KLK10: variants seen among roughly 807,000 people sequenced by gnomAD.
The protein encoded by KLK10 is kallikrein related peptidase 10.
KLK10 carries 27 observed loss-of-function variants against 25.7 expected under a neutral mutation model. The ratio of observed to expected loss-of-function variants is 1.05; its 90% CI spans 0.77 to 1.45. KLK10 has a LOEUF of 1.45. KLK10 is among the 40% of genes most tolerant of loss of function. The probability of loss-of-function intolerance (pLI) is 0.00; values close to 1 mark genes in which losing one functional copy is unlikely to be tolerated. For missense variants in KLK10, 386 were observed against 370.0 expected (o/e 1.04, Z -0.35); for synonymous variants, 173 against 160.1 (o/e 1.08, Z -0.61).
rs1222800954 is a variant in KLK10, at chr19:51,015,713, C to A, written c.545-163G>T. 7 of 1,059,204 alleles carry A rather than the reference C, an allele frequency of 6.6e-6. No homozygotes were observed. In the East Asian group the frequency reaches 1.5e-4, roughly 22 times the overall value. 65.6% of individuals were successfully genotyped at this position (1,059,204 alleles called of 1,614,324 possible). A position where few individuals can be genotyped will look rare whatever the true frequency, so the allele number is the denominator to read the frequency against. ...CCCCACTTAGACCCAGGAGTCCAGGCCCCCAGCCCCTCCTCCCCTCAGACT... is the reference window on the plus strand; with the variant it reads ...CCCCACTTAGACCCAGGAGTCCAGGACCCCAGCCCCTCCTCCCCTCAGACT... On this transcript the variant is annotated intron_variant, in intron 4 of 5. Coordinates refer to ENST00000358789, the MANE Select transcript of KLK10 (RefSeq NM_145888.3).
intron 4 of KLK10, 38 bp downstream of exon 4, chr19:51,015,841 CCCT>C (rs1568563773): frequency 6.8e-7 from 1 of 1,463,946 alleles, no homozygotes; most frequent in East Asian, 2.4e-5. Flanking sequence ...GCCCTCAGCC[CCCT>C]CCTCCTGAGG....
rs751902536 is a variant in KLK10 at position 51,017,176 on chromosome 19, G to A, written c.203C>T (p.Ser68Leu). 2 of 1,612,170 alleles carry A rather than the reference G, an allele frequency of 1.2e-6. No individual in the cohort carries two copies. Among genetic ancestry groups the A allele is most frequent in the East Asian group, 2.2e-5 (1 of 44,852 alleles). Residue 68 changes from serine to leucine, a missense_variant, in exon 3 of 6, where the codon TCG (serine) becomes TTG (leucine). Physicochemically the swap from Ser to Leu is moderately radical, Grantham distance 145 (BLOSUM62 -2). Coordinates refer to ENST00000358789, the MANE Select transcript of KLK10 (RefSeq NM_145888.3). ...PWQVSLFNGL[S>L]FHCAGVLVDQ... ...CACCAGGACACCCGCGCAGTGGAACGAGAGGCCGTTGAAGAGCGAGACCTG... is the reference window on the plus strand; with the variant it reads ...CACCAGGACACCCGCGCAGTGGAACAAGAGGCCGTTGAAGAGCGAGACCTG...
chr19:51,015,725 C>T, intron 4 of KLK10, 157 bp downstream of exon 4: 1 of 1,060,912 alleles, frequency 9.4e-7, no homozygotes, highest in Non-Finnish European at 1.3e-6. Flanking sequence ...CCCAGCCCCT[C>T]CTCCCCTCAG....
Position 51,019,162 on chromosome 19 carries a change from G to T in KLK10, c.-9-23C>A. ...GATCTGCTGGGGTGTGTGCAGGGGC[G>T]GGTTAAAACAGATGCTCCGTTAGAG... On this transcript the variant is annotated intron_variant, in intron 1 of 5. Coordinates refer to ENST00000358789, the MANE Select transcript of KLK10 (RefSeq NM_145888.3). The surrounding 1 kb of genome is among the most constrained non-coding windows in gnomAD (Gnocchi z 4.2). The T allele has an allele frequency of 6.5e-7, 1 of 1,535,558 alleles. No individual in the cohort carries two copies.
At position 51,013,590 on chromosome 19, in the gene KLK10, A is replaced by C. The variant is rs951276149; in HGVS notation, c.*1210T>G. On this transcript the variant is annotated 3_prime_UTR_variant, in exon 6 of 6. Transcript: ENST00000358789. ...TAGGTGCCTGCCACCATGCCTGGCT[A>C]GTTTTTGTATTTTCAGTAGAGATGG... The C allele has an allele frequency of 6.5e-6, 1 of 153,276 alleles. No individual in the cohort carries two copies. Among genetic ancestry groups the C allele is most frequent in the Middle Eastern group, 3.2e-3 (1 of 316 alleles). The allele number at this position is 153,276 out of a possible 1,614,324, so 9.5% of individuals were successfully genotyped here.
rs73936112 is a variant in KLK10 at position 51,013,800 on chromosome 19, T to A, written c.*1000A>T. On this transcript the variant is annotated 3_prime_UTR_variant, in exon 6 of 6. Coordinates refer to ENST00000358789, the MANE Select transcript of KLK10 (RefSeq NM_145888.3). ...TTCCCTCCCCCAATTTCAGGGAGAA[T>A]CAAACAATTCCTCCTCCCAAGTTTT... The A allele has an allele frequency of 0.037, 5,644 of 153,804 alleles. 278 individuals carry two copies. The highest frequency in any genetic ancestry group is 0.15 in the East Asian group (795 of 5,182). 9.5% of individuals were successfully genotyped at this position (153,804 alleles called of 1,614,324 possible).
chr19:51,015,167 G>C (rs78217033), intron 5 of KLK10, among the ~76,000 whole-genome samples: 2,015 of 152,052 alleles, frequency 0.013, 36 homozygotes, highest in African/African-American at 0.045. Flanking sequence ...GGCACAGTGA[G>C]ACTGGGGTTG....
intron 4 of KLK10, 109 bp downstream of exon 4, chr19:51,015,773 T>C: frequency 8.2e-7 from 1 of 1,216,630 alleles, no homozygotes; most frequent in Non-Finnish European, 1.1e-6. Context: ...CAGCCCGTCC[T>C]CCCTCAGATC....
chr19:51,017,865 G>T (rs1398203329), intron 2 of KLK10, among the ~76,000 whole-genome samples: 1 of 151,824 alleles, frequency 6.6e-6, no homozygotes, highest in Non-Finnish European at 1.5e-5. Context: ...AGTAGTCGCG[G>T]AGGCATGCGC....
chr19:51,017,108 A>G lies in KLK10; in HGVS notation c.269+2T>C, dbSNP rs1356779402. ...CGTCCTCGGGGATGGATCTCCTCCT[A>G]CTTGTTTCCGCAGTGCGCGGCCGTC... On this transcript the variant is annotated splice_donor_variant, in intron 3 of 5. Transcript: ENST00000358789. LOFTEE classifies it high-confidence loss of function. The G allele has an allele frequency of 1.3e-6, 2 of 1,598,170 alleles. No individual in the cohort carries two copies. Among genetic ancestry groups the G allele is most frequent in the Non-Finnish European group, 1.7e-6 (2 of 1,173,154 alleles).
In KLK10 at chr19:51,016,146, C is replaced by T; in HGVS notation, c.280G>A (p.Ala94Thr). The change falls in exon 4 of 6, where the codon GCT (alanine) becomes ACT (threonine). Residue 94 changes from alanine (A) to threonine (T), a missense_variant. Transcript: ENST00000358789. ...AAHCGNKPLW[A>T]RVGDDHLLLL... ...AGCAGGTGGTCATCCCCTACTCGAG[C>T]CCACAGTGGCCTGGGGGAAGGAAGA... 1.3e-6 allele frequency: 2 copies of T among 1,581,838 alleles called. No individual in the cohort carries two copies. The highest frequency in any genetic ancestry group is 8.6e-7 in the Non-Finnish European group (1 of 1,164,048).
chr19:51,014,794 T>A lies in KLK10; in HGVS notation c.*6A>T, dbSNP rs755976578. On this transcript the variant is annotated 3_prime_UTR_variant, in exon 6 of 6. Coordinates refer to ENST00000358789, the MANE Select transcript of KLK10 (RefSeq NM_145888.3). ...CATCTGGATCAGCTGGAGCGTAGCA[T>A]CTGGATCAGTTGGAGCGTATGACTT... The A allele has an allele frequency of 1.3e-6, 2 of 1,575,826 alleles. No individual in the cohort carries two copies. The highest frequency in any genetic ancestry group is 8.7e-7 in the Non-Finnish European group (1 of 1,152,354).
chr19:51,015,683 C>T (rs1431728491), intron 4 of KLK10, 133 bp from the exon 5 acceptor site: 2 of 1,191,062 alleles, frequency 1.7e-6, no homozygotes, highest in East Asian at 2.4e-5. Context: ...CTGGCCCCAG[C>T]CCCTCCCCAC....
chr19:51,016,217 G>A (rs2091327207), intron 3 of KLK10, 61 bp from the exon 4 acceptor site: 2 of 1,474,496 alleles, frequency 1.4e-6, no homozygotes, highest in East Asian at 4.9e-5. Flanking sequence ...AAGCAGGTGG[G>A]CAGTGACGCA....
At position 51,017,303 on chromosome 19, in the gene KLK10, A is replaced by T; in HGVS notation, c.89-13T>A. 6.3e-7 allele frequency: 1 copy of T among 1,593,032 alleles called. No individual in the cohort carries two copies. The highest frequency in any genetic ancestry group is 8.5e-7 in the Non-Finnish European group (1 of 1,171,540). On this transcript the variant is annotated splice_polypyrimidine_tract_variant and intron_variant, in intron 2 of 5. Coordinates refer to ENST00000358789, the MANE Select transcript of KLK10 (RefSeq NM_145888.3). ...GCCGCCTCTGCGGCTGGAGAAAGAA[A>T]GGGGACGGAATCAAAGCACGGAGGG... is the stretch of plus-strand genomic sequence containing the variant.
intron 3 of KLK10, among the ~76,000 whole-genome samples, chr19:51,016,472 C>T (rs2091330060): frequency 6.6e-6 from 1 of 151,930 alleles, no homozygotes; most frequent in Admixed American, 6.5e-5. Context: ...CGGCTCACTG[C>T]AACCTCCACC....
chr19:51,014,657 TGTGGAGG>T lies in KLK10; in HGVS notation c.*136_*142del. ...AGGTGAGAGGGGAGATGTTTAGAGG[TGTGGAGG>T]GCGGCAGAGGTTTGAACAGTGCAGA... is the stretch of plus-strand genomic sequence containing the variant. On this transcript the variant is annotated 3_prime_UTR_variant, in exon 6 of 6. Transcript: ENST00000358789. 1.4e-6 allele frequency: 1 copy of T among 704,318 alleles called. No homozygotes were observed. Among genetic ancestry groups the T allele is most frequent in the Non-Finnish European group, 2.4e-6 (1 of 413,864 alleles). The allele number at this position is 704,318 out of a possible 1,614,324, so 43.6% of individuals were successfully genotyped here. A position where few individuals can be genotyped will look rare whatever the true frequency, so the allele number is the denominator to read the frequency against.
In KLK10 at chr19:51,018,727, AAC is replaced by A; in HGVS notation, c.88+314_88+315del. On this transcript the variant is annotated intron_variant, in intron 2 of 5. Transcript: ENST00000358789. Reference sequence around the variant, plus strand: ...TCAAACAAACAAACAAACAAAACAAAACACGGTAGTGTAAAATGGAGCGGGGC... The same window carrying A: ...TCAAACAAACAAACAAACAAAACAAAACGGTAGTGTAAAATGGAGCGGGGC... The A allele has an allele frequency of 9.8e-6, 4 of 410,050 alleles. No homozygotes were observed. In the South Asian group the frequency reaches 1.0e-4, roughly 11 times the overall value. 25.4% of individuals were successfully genotyped at this position (410,050 alleles called of 1,614,324 possible). A position where few individuals can be genotyped will look rare whatever the true frequency, so the allele number is the denominator to read the frequency against.
Position 51,014,968 on chromosome 19 carries a change from A to G in KLK10, c.679-16T>C, listed in dbSNP as rs750415056. 6.2e-7 allele frequency: 1 copy of G among 1,608,854 alleles called. No homozygotes were observed. The highest frequency in any genetic ancestry group is 2.2e-5 in the East Asian group (1 of 44,812). On this transcript the variant is annotated splice_polypyrimidine_tract_variant and intron_variant, in intron 5 of 5. Coordinates refer to ENST00000358789, the MANE Select transcript of KLK10 (RefSeq NM_145888.3). ...CAGAGTCACTCTGGGGGTGGCAGGA[A>G]GGAGAGATCAAATAAATGTGCCAAC...
Sources: allele counts gnomAD v4.1 joint callset (sites outside exome capture counted in the v4.1 genomes callset), GRCh38; gene constraint gnomAD v4.1.1; non-coding constraint Gnocchi (gnomAD v3.1); transcripts MANE v1.5; gene names NCBI Gene and HGNC (gene_info 2026-07-23, HGNC 2026-07-21).